FAM13B: variants seen among roughly 807,000 people sequenced by gnomAD.
FAM13B encodes the protein family with sequence similarity 13 member B, also known as protein FAM13B.
A neutral mutation model predicts 117.3 loss-of-function variants in FAM13B; 60 were observed. The observed-to-expected ratio is 0.51, with a 90% CI of 0.42 to 0.63. The LOEUF (loss-of-function observed/expected upper bound fraction) is 0.63, where lower values mean the gene tolerates loss of function less well. Among genes scored for constraint, FAM13B ranks in the 30% least tolerant of loss-of-function variants. The pLI, the probability that FAM13B is intolerant of heterozygous loss-of-function variation, is 0.00. For missense variants in FAM13B, 972 were observed against 1,091.9 expected (o/e 0.89, Z 1.55); for synonymous variants, 332 against 356.1 (o/e 0.93, Z 0.76).
chr5:137,944,486 G>A (rs555185246), intron 20 of FAM13B, among the ~76,000 whole-genome samples: 21 of 152,198 alleles, frequency 1.4e-4, no homozygotes, highest in African/African-American at 4.8e-4. Context: ...GAACAAAATC[G>A]GCAGGGCACG....
At chr5:138,047,154 A>G (rs1376712110) in intron 1 of FAM13B, among the ~76,000 whole-genome samples, 1 of 152,154 alleles carries the variant, frequency 6.6e-6, no homozygotes, top group Non-Finnish European at 1.5e-5. Flanking sequence ...CAGAACAAGC[A>G]TGTGGCAAAG....
chr5:138,006,945 G>A (rs771243877), intron 7 of FAM13B, 45 bp downstream of exon 7: 1 of 1,540,142 alleles, frequency 6.5e-7, no homozygotes, highest in Non-Finnish European at 8.7e-7. Flanking sequence ...TTTACACTTA[G>A]AATGAAATAC....
At chr5:138,007,265 T>G in intron 6 of FAM13B, 118 bp from the exon 7 acceptor site, 1 of 782,154 alleles carries the variant, frequency 1.3e-6, no homozygotes, top group Non-Finnish European at 1.9e-6. Context: ...CCTCATTTCC[T>G]AGGACCAATC....
intron 10 of FAM13B, among the ~76,000 whole-genome samples, chr5:137,970,296 G>C (rs1410733033): frequency 6.6e-6 from 1 of 151,764 alleles, no homozygotes; most frequent in Admixed American, 6.6e-5. Context: ...AGAGAGTGGG[G>C]GCCAATATTC....
At chr5:138,042,711 G>A (rs1791532648) in intron 1 of FAM13B, among the ~76,000 whole-genome samples, 1 of 151,812 alleles carries the variant, frequency 6.6e-6, no homozygotes, top group Admixed American at 6.6e-5. Context: ...TGGGAACGAG[G>A]GGCAAGAGTT....
At position 137,940,054 on chromosome 5, in the gene FAM13B, G is replaced by A; in HGVS notation, c.*171C>T. On this transcript the variant is annotated 3_prime_UTR_variant, in exon 24 of 24. Coordinates refer to ENST00000689681, the MANE Select transcript of FAM13B (RefSeq NM_001385994.1). Reference sequence around the variant, plus strand: ...GAACATCACTTACGCTCCCTTGAGAGGGCCTACTTACTCTCCCATCATTTG... The same window carrying A: ...GAACATCACTTACGCTCCCTTGAGAAGGCCTACTTACTCTCCCATCATTTG... The A allele has an allele frequency of 6.2e-7, 1 of 1,613,936 alleles. No homozygotes were observed. Among genetic ancestry groups the A allele is most frequent in the Non-Finnish European group, 8.5e-7 (1 of 1,179,906 alleles).
Position 137,940,151 on chromosome 5 carries a change from C to A in FAM13B, c.*74G>T, listed in dbSNP as rs373460054. On this transcript the variant is annotated 3_prime_UTR_variant, in exon 24 of 24. Coordinates refer to ENST00000689681, the MANE Select transcript of FAM13B (RefSeq NM_001385994.1). ...GTGCCTGACAAAACGAATTTAAGTA[C>A]CAGCCAAGTACACACGATGATAGCT... 6.8e-6 allele frequency: 11 copies of A among 1,613,262 alleles called. No individual in the cohort carries two copies. The African/African-American group carries it at 1.5e-4, about 22-fold the overall frequency.
chr5:137,973,653 C>G (rs1185584523), intron 10 of FAM13B, among the ~76,000 whole-genome samples: 1 of 152,008 alleles, frequency 6.6e-6, no homozygotes, highest in Non-Finnish European at 1.5e-5. Context: ...AAACTACCAT[C>G]AGAGTGAACA....
chr5:138,026,460 T>C (rs1021606658), intron 1 of FAM13B, among the ~76,000 whole-genome samples: 1 of 150,170 alleles, frequency 6.7e-6, no homozygotes, highest in Non-Finnish European at 1.5e-5. Flanking sequence ...ACCCCGTTTC[T>C]ACAAAAAAGT....
rs576080082 is a variant in FAM13B, at chr5:138,006,999, G to A, written c.839C>T (p.Thr280Met). ...TENILESNSV[T>M]ATSTHISPIS... is the part of the protein sequence containing the mutation. ...TCAACTGAGCTATTACCTTGTTGCC[G>A]TAACACTATTTGATTCCAGGATGTT... Residue 280 changes from threonine to methionine, a missense_variant, in exon 7 of 24, where the codon ACG (threonine) becomes ATG (methionine). Physicochemically the swap from Thr to Met is moderately conservative, Grantham distance 81 (BLOSUM62 -1). Coordinates refer to ENST00000689681, the MANE Select transcript of FAM13B (RefSeq NM_001385994.1). 3.1e-5 allele frequency: 49 copies of A among 1,606,542 alleles called. No homozygotes were observed. The South Asian group carries it at 4.3e-4, about 14-fold the overall frequency.
At position 137,960,222 on chromosome 5, in the gene FAM13B, T is replaced by C; in HGVS notation, c.1245-8A>G. 6.8e-7 allele frequency: 1 copy of C among 1,470,906 alleles called. No individual in the cohort carries two copies. The highest frequency in any genetic ancestry group is 1.4e-5 in the African/African-American group (1 of 71,164). 91.1% of individuals were successfully genotyped at this position (1,470,906 alleles called of 1,614,324 possible). On this transcript the variant is annotated splice_region_variant and splice_polypyrimidine_tract_variant and intron_variant, in intron 11 of 23. Transcript: ENST00000689681. Reference sequence around the variant, plus strand: ...AATAACAAATATTCTTCCCTAAAAATACAAGTAAAGTTGTTAGTATATTAA... The same window carrying C: ...AATAACAAATATTCTTCCCTAAAAACACAAGTAAAGTTGTTAGTATATTAA...
In FAM13B at chr5:137,939,355, G is replaced by C. The variant is rs945110556; in HGVS notation, c.*870C>G. ...CCATTGATTGAACACACAAATCTGA[G>C]CACCATCAGAGTTCCTACATACTGA... is the stretch of plus-strand genomic sequence containing the variant. On this transcript the variant is annotated 3_prime_UTR_variant, in exon 24 of 24. Coordinates refer to ENST00000689681, the MANE Select transcript of FAM13B (RefSeq NM_001385994.1). 6.6e-6 allele frequency: 1 copy of C among 152,664 alleles called. No individual in the cohort carries two copies. Among genetic ancestry groups the C allele is most frequent in the Non-Finnish European group, 1.5e-5 (1 of 68,080 alleles). 9.5% of individuals were successfully genotyped at this position (152,664 alleles called of 1,614,324 possible).
rs1220740565 is a variant in FAM13B at position 137,954,361 on chromosome 5, A to G, written c.1523T>C (p.Phe508Ser). ...CTCAGAGTCCTCCTGCCAAGACTTAAAAGCAGGAAATGGCTCTATAAAACA... is the reference window on the plus strand; with the variant it reads ...CTCAGAGTCCTCCTGCCAAGACTTAGAAGCAGGAAATGGCTCTATAAAACA... ...QRDGEEPFPAFKSWQEDSESG... is the reference protein window; with the variant it reads ...QRDGEEPFPASKSWQEDSESG... The change falls in exon 15 of 24, where the codon TTT (phenylalanine) becomes TCT (serine). Residue 508 changes from phenylalanine to serine, a missense_variant. Phe to Ser is a radical substitution (Grantham distance 155). Coordinates refer to ENST00000689681, the MANE Select transcript of FAM13B (RefSeq NM_001385994.1). 1 of 1,613,374 alleles carries G rather than the reference A, an allele frequency of 6.2e-7. No homozygotes were observed. The highest frequency in any genetic ancestry group is 1.7e-5 in the Admixed American group (1 of 60,004).
In FAM13B at chr5:137,993,725, C is replaced by T. The variant is rs559477183; in HGVS notation, c.849-5410G>A. 1.6e-4 allele frequency among the ~76,000 whole-genome samples: 25 copies of T among 151,870 alleles called. No individual in the cohort carries two copies. In the South Asian group the frequency reaches 3.5e-3, roughly 21 times the overall value. The stretch of plus-strand genomic sequence containing the variant: ...TCGCTTGAACCCAGGAGGCGGAGGT[C>T]GCAGTGAGCTGAGATCCCACGACTG... On this transcript the variant is annotated intron_variant, in intron 7 of 23. Coordinates refer to ENST00000689681, the MANE Select transcript of FAM13B (RefSeq NM_001385994.1).
At chr5:137,968,626 C>T (rs1479769761) in intron 10 of FAM13B, among the ~76,000 whole-genome samples, 17 of 152,078 alleles carry the variant, frequency 1.1e-4, no homozygotes, top group Admixed American at 7.2e-4. Flanking sequence ...CGAATAGGAA[C>T]GGCTCTGGTC....
rs370021190 is a variant in FAM13B at position 137,988,355 on chromosome 5, T to A, written c.849-40A>T. ...AGAAATTAGCTATAAAAATGTTCAA[T>A]ACTTAATAACTACAAAATGTGCTGA... On this transcript the variant is annotated intron_variant, in intron 7 of 23. Transcript: ENST00000689681. 69 of 1,511,990 alleles carry A rather than the reference T, an allele frequency of 4.6e-5. 1 individual carries two copies. The African/African-American group carries it at 7.1e-4, about 15-fold the overall frequency. The allele number at this position is 1,511,990 out of a possible 1,614,324, so 93.7% of individuals were successfully genotyped here.
At chr5:138,032,534 C>G (rs1477928000) in intron 1 of FAM13B, among the ~76,000 whole-genome samples, 2 of 152,212 alleles carry the variant, frequency 1.3e-5, no homozygotes, top group Admixed American at 6.5e-5. Context: ...TGCACTGCAG[C>G]CGCTGCAAAT....
At chr5:137,976,966 G>A (rs1039966556) in intron 10 of FAM13B, among the ~76,000 whole-genome samples, 9 of 152,146 alleles carry the variant, frequency 5.9e-5, no homozygotes, top group Non-Finnish European at 8.8e-5. Context: ...TCTGACTGCC[G>A]GTGAGCCAGG....
chr5:138,019,963 G>A, intron 2 of FAM13B: 3 of 958,624 alleles, frequency 3.1e-6, no homozygotes, highest in South Asian at 4.8e-5. Context: ...ACAGGCGTTA[G>A]CCACCGCACC....
Sources: gnomAD v4.1 joint callset for allele counts (sites outside exome capture counted in the v4.1 genomes callset) on GRCh38, gnomAD v4.1.1 for gene constraint, MANE v1.5 for transcripts, NCBI Gene and HGNC (gene_info 2026-07-23, HGNC 2026-07-21) for gene names.